HIVEP1: variants seen among roughly 807,000 people sequenced by gnomAD.
The protein encoded by HIVEP1 is zinc finger protein 40.
A neutral mutation model predicts 180.0 loss-of-function variants in HIVEP1; 36 were observed. The ratio of observed to expected loss-of-function variants is 0.20; its 90% confidence interval spans 0.15 to 0.26. The LOEUF is 0.26. HIVEP1 is among the 10% of genes least tolerant of loss of function. The probability of loss-of-function intolerance (pLI) is 1.00; values close to 1 mark genes in which losing one functional copy is unlikely to be tolerated. For synonymous variants in HIVEP1, 1,239 were observed against 1,239.0 expected (o/e 1.00, Z 0.00); for missense variants, 3,143 against 3,268.7 (o/e 0.96, Z 0.94).
At chr6:12,067,473 G>A (rs1446564091) in intron 2 of HIVEP1, among the ~76,000 whole-genome samples, 1 of 151,590 alleles carries the variant, frequency 6.6e-6, no homozygotes, top group Non-Finnish European at 1.5e-5. Context: ...AAACAATGTA[G>A]TTAATTTTAA....
At chr6:12,126,549 A>G (rs1758080984) in intron 4 of HIVEP1, among the ~76,000 whole-genome samples, 1 of 152,232 alleles carries the variant, frequency 6.6e-6, no homozygotes, top group Admixed American at 6.5e-5. Flanking sequence ...TAAAATGGGA[A>G]AAAGTCATTT....
intron 8 of HIVEP1, 37 bp downstream of exon 8, chr6:12,161,966 C>T (rs773536504): frequency 4.9e-5 from 75 of 1,545,648 alleles, no homozygotes; most frequent in Admixed American, 7.8e-5. Flanking sequence ...TTTCTTTTTT[C>T]GTTTTAACCT....
In HIVEP1 at chr6:12,163,790, G is replaced by A. The variant is rs774075200; in HGVS notation, c.7486G>A (p.Val2496Ile). 69 of 1,613,978 alleles carry A rather than the reference G, an allele frequency of 4.3e-5. No individual in the cohort carries two copies. Among genetic ancestry groups the A allele is most frequent in the Non-Finnish European group, 5.0e-5 (59 of 1,180,026 alleles). ...QSLPSLSMET[V>I]NIVGLANTNM... is the part of the protein sequence containing the mutation. ...ACTCCCCTCGTTAAGCATGGAAACC[G>A]TCAATATTGTAGGCCTAGCCAATAC... Residue 2496 changes from valine (V) to isoleucine (I), a missense_variant, in exon 9 of 9, where the codon GTC (valine) becomes ATC (isoleucine). By Grantham distance (29) the Val-to-Ile change is conservative. Transcript: ENST00000379388.
intron 8 of HIVEP1, among the ~76,000 whole-genome samples, chr6:12,162,524 C>T (rs529342592): frequency 1.1e-4 from 16 of 152,226 alleles, no homozygotes; most frequent in Non-Finnish European, 2.2e-4. Context: ...TGAAAAGTCA[C>T]GCTCCATGTG....
the HIVEP1 span, among the ~76,000 whole-genome samples, chr6:12,180,420 A>T: frequency 1.3e-5 from 2 of 152,220 alleles, no homozygotes; most frequent in African/African-American, 4.8e-5. Context: ...TTATTCTTAT[A>T]AACTATAATT....
intron 3 of HIVEP1, among the ~76,000 whole-genome samples, chr6:12,092,625 G>A (rs1773548396): frequency 6.6e-6 from 1 of 152,080 alleles, no homozygotes; most frequent in African/African-American, 2.4e-5. Flanking sequence ...GAAACTTTTT[G>A]CATTCCCACT....
At chr6:12,115,287 A>G (rs1356623393) in intron 3 of HIVEP1, among the ~76,000 whole-genome samples, 1 of 152,006 alleles carries the variant, frequency 6.6e-6, no homozygotes, top group Non-Finnish European at 1.5e-5. Flanking sequence ...GTGCCTTGGA[A>G]AATAAAGTGT....
At chr6:12,031,315 C>G (rs1561869225) in intron 2 of HIVEP1, among the ~76,000 whole-genome samples, 1 of 152,136 alleles carries the variant, frequency 6.6e-6, no homozygotes, top group Non-Finnish European at 1.5e-5. Flanking sequence ...TAGGAGACTG[C>G]CCTAGTGTTG....
upstream of HIVEP1, among the ~76,000 whole-genome samples, chr6:12,010,837 C>A (rs770192680): frequency 6.6e-6 from 1 of 152,188 alleles, no homozygotes; most frequent in Non-Finnish European, 1.5e-5. Flanking sequence ...TTTCTAGCAG[C>A]CGGGGTCACA....
At chr6:12,192,685 G>T in the HIVEP1 span, among the ~76,000 whole-genome samples, 2 of 152,066 alleles carry the variant, frequency 1.3e-5, no homozygotes, top group Non-Finnish European at 2.9e-5. Context: ...CTCTATGATT[G>T]TAAGTTTCCT....
At chr6:12,185,535 C>T in the HIVEP1 span, among the ~76,000 whole-genome samples, 9 of 152,124 alleles carry the variant, frequency 5.9e-5, no homozygotes, top group African/African-American at 1.7e-4. Context: ...AGTCATTTCA[C>T]GTAATACCTC....
At chr6:12,182,396 A>G in the HIVEP1 span, among the ~76,000 whole-genome samples, 75 of 152,214 alleles carry the variant, frequency 4.9e-4, no homozygotes, top group Non-Finnish European at 9.8e-4. Context: ...ATGTGAAGCA[A>G]AAAAATAACA....
chr6:12,054,577 T>C (rs1770741756), intron 2 of HIVEP1, among the ~76,000 whole-genome samples: 1 of 152,242 alleles, frequency 6.6e-6, no homozygotes, highest in African/African-American at 2.4e-5. Context: ...TATTATCTAT[T>C]ACTAGTATTT....
intron 3 of HIVEP1, among the ~76,000 whole-genome samples, chr6:12,110,179 A>C (rs2113453041): frequency 6.6e-6 from 1 of 152,364 alleles, no homozygotes; most frequent in South Asian, 2.1e-4. Flanking sequence ...GCACAGGCAG[A>C]GTAGATTTAG....
chr6:12,180,685 C>G, the HIVEP1 span, among the ~76,000 whole-genome samples: 1 of 152,102 alleles, frequency 6.6e-6, no homozygotes, highest in Non-Finnish European at 1.5e-5. Flanking sequence ...ATTAGGCCAC[C>G]TTCTGGGCTT....
At chr6:12,131,064 A>G (rs1481906270) in intron 6 of HIVEP1, 122 bp downstream of exon 6, 2 of 583,532 alleles carry the variant, frequency 3.4e-6, no homozygotes, top group East Asian at 2.8e-5. Context: ...TGTCAATTAC[A>G]TCTTGTCAAT....
At position 12,120,965 on chromosome 6, in the gene HIVEP1, G is replaced by A. The variant is rs747342612; in HGVS notation, c.1170G>A (p.Met390Ile). The change falls in exon 4 of 9, where the codon ATG (methionine) becomes ATA (isoleucine). Residue 390 changes from methionine (M) to isoleucine (I), a missense_variant. Transcript: ENST00000379388. ...ASVVNQSVEQ[M>I]CNLLLKDQKP... ...TTGTTAATCAAAGCGTAGAGCAAAT[G>A]TGCAATCTTCTTCTGAAAGATCAGA... is the stretch of plus-strand genomic sequence containing the variant. 6 of 1,614,150 alleles carry A rather than the reference G, an allele frequency of 3.7e-6. No homozygotes were observed. Among genetic ancestry groups the A allele is most frequent in the Non-Finnish European group, 5.1e-6 (6 of 1,180,014 alleles).
In HIVEP1 at chr6:12,125,346, C is replaced by T. The variant is rs1390767440; in HGVS notation, c.5551C>T (p.Pro1851Ser). The T allele has an allele frequency of 1.9e-6, 3 of 1,614,082 alleles. No individual in the cohort carries two copies. The highest frequency in any genetic ancestry group is 2.5e-6 in the Non-Finnish European group (3 of 1,179,988). The change falls in exon 4 of 9, where the codon CCT becomes TCT. Residue 1851 changes from proline to serine, a missense_variant. By Grantham distance (74) the Pro-to-Ser change is moderately conservative (BLOSUM62 -1). Around this residue, in one of 12 missense-constraint regions of HIVEP1, gnomAD observed 1,357 missense variants for 1,260.5 expected, o/e 1.08. Transcript: ENST00000379388. ...TGCSKFVVIE[P>S]ISELQEFENI... ...ATGCTCTAAATTTGTCGTTATAGAA[C>T]CTATAAGTGAATTGCAGGAATTTGA...
the HIVEP1 span, among the ~76,000 whole-genome samples, chr6:12,208,063 C>T: frequency 2.6e-5 from 4 of 152,188 alleles, no homozygotes; most frequent in East Asian, 7.7e-4. Context: ...AGACAGTTTA[C>T]TTCTTAAAAA....
Sources: allele counts gnomAD v4.1 joint callset (sites outside exome capture counted in the v4.1 genomes callset), GRCh38; gene constraint gnomAD v4.1.1; regional missense constraint gnomAD v4.1.1; transcripts MANE v1.5; gene names NCBI Gene and HGNC (gene_info 2026-07-23, HGNC 2026-07-21).